The following GUCY1A2 variants were observed in gnomAD, a reference collection of about 807,000 sequenced individuals.
The protein encoded by GUCY1A2 is guanylate cyclase soluble subunit alpha-2.
In GUCY1A2, 27 loss-of-function variants were observed where a neutral mutation model predicts 63.5. The ratio of observed to expected loss-of-function variants is 0.43; its 90% CI spans 0.31 to 0.59. The LOEUF (loss-of-function observed/expected upper bound fraction) is 0.59, where lower values mean the gene tolerates loss of function less well. GUCY1A2 is among the 20% of genes least tolerant of loss of function. GUCY1A2 has a pLI of 0.11. For synonymous variants in GUCY1A2, 364 were observed against 343.5 expected, an observed-to-expected ratio of 1.06 and a Z score of -0.66; for missense variants, 768 against 913.3, an observed-to-expected ratio of 0.84 and a Z score of 2.05.
At chr11:106,941,317 A>C (rs1860749948) in intron 3 of GUCY1A2, among the ~76,000 whole-genome samples, 2 of 152,188 alleles carry the variant, frequency 1.3e-5, no homozygotes, top group Admixed American at 1.3e-4. Context: ...TATCGTAATA[A>C]GAAGCAGGAT....
chr11:106,829,864 C>T (rs1859026993), intron 4 of GUCY1A2, among the ~76,000 whole-genome samples: 1 of 152,120 alleles, frequency 6.6e-6, no homozygotes, highest in Non-Finnish European at 1.5e-5. Flanking sequence ...GAACACAATC[C>T]AGGCAGGACT....
chr11:106,880,711 C>CT (rs1381869276), intron 4 of GUCY1A2, among the ~76,000 whole-genome samples: 24 of 152,060 alleles, frequency 1.6e-4, no homozygotes, highest in African/African-American at 5.8e-4. Context: ...ACATAGATTT[C>CT]TTTACTGTAG....
At position 106,986,085 on chromosome 11, in the gene GUCY1A2, T is replaced by C; in HGVS notation, c.350A>G (p.Glu117Gly). ...QTLKRTLQYY[E>G]HQVIGYRDAE... ...TTTTACTTACCCAATAACTTGATGT[T>C]CATAATACTGCAGTGTCCTCTTGAG... Residue 117 changes from glutamate to glycine, a missense_variant, in exon 2 of 8, where the codon GAA (glutamate) becomes GGA (glycine). Glu to Gly is a moderately conservative substitution (Grantham distance 98, BLOSUM62 -2). Coordinates refer to ENST00000526355, the MANE Select transcript of GUCY1A2 (RefSeq NM_000855.3). 1.4e-6 allele frequency: 2 copies of C among 1,479,640 alleles called. No individual in the cohort carries two copies. The highest frequency in any genetic ancestry group is 1.9e-6 in the Non-Finnish European group (2 of 1,057,426). 91.7% of individuals were successfully genotyped at this position (1,479,640 alleles called of 1,614,324 possible). A position where few individuals can be genotyped will look rare whatever the true frequency, so the allele number is the denominator to read the frequency against.
chr11:106,719,277 C>T (rs1863272092), intron 6 of GUCY1A2, among the ~76,000 whole-genome samples: 1 of 151,876 alleles, frequency 6.6e-6, no homozygotes, highest in Non-Finnish European at 1.5e-5. Flanking sequence ...CAGCTCTTAA[C>T]AGATAATCCG....
chr11:106,983,061 A>T (rs574983041), intron 2 of GUCY1A2, among the ~76,000 whole-genome samples: 1 of 152,306 alleles, frequency 6.6e-6, no homozygotes, highest in African/African-American at 2.4e-5. Flanking sequence ...GGTGATTCTG[A>T]TGCACATTAA....
intron 7 of GUCY1A2, among the ~76,000 whole-genome samples, chr11:106,705,068 T>C (rs1488141345): frequency 6.6e-6 from 1 of 151,442 alleles, no homozygotes; most frequent in Non-Finnish European, 1.5e-5. Context: ...AACTTAAAAC[T>C]CAATAAAAAT....
At chr11:106,694,348 T>C (rs975544721) in intron 7 of GUCY1A2, among the ~76,000 whole-genome samples, 2 of 152,188 alleles carry the variant, frequency 1.3e-5, no homozygotes, top group Non-Finnish European at 2.9e-5. Context: ...TGACCCAAAA[T>C]TTGTTCTCCC....
Position 106,674,020 on chromosome 11 carries a change from C to T in GUCY1A2, c.*13529G>A, listed in dbSNP as rs1462557048. On this transcript the variant is annotated 3_prime_UTR_variant, in exon 8 of 8. Coordinates refer to ENST00000526355, the MANE Select transcript of GUCY1A2 (RefSeq NM_000855.3). ...GAAATGCTAAAAGAATGTTCAGACT[C>T]CTTTTTGGTATTATTTATTGATTTA... 1 of 172,794 alleles carries T rather than the reference C, an allele frequency of 5.8e-6. No individual in the cohort carries two copies. Among genetic ancestry groups the T allele is most frequent in the Non-Finnish European group, 1.3e-5 (1 of 79,624 alleles). 10.7% of individuals were successfully genotyped at this position (172,794 alleles called of 1,614,324 possible). A position where few individuals can be genotyped will look rare whatever the true frequency, so the allele number is the denominator to read the frequency against.
At chr11:106,923,972 T>C (rs1275313879) in intron 4 of GUCY1A2, among the ~76,000 whole-genome samples, 1 of 152,116 alleles carries the variant, frequency 6.6e-6, no homozygotes, top group Non-Finnish European at 1.5e-5. Flanking sequence ...TAAACCAAAA[T>C]TATAAGAATA....
chr11:106,908,667 G>C (rs1286054098), intron 4 of GUCY1A2, among the ~76,000 whole-genome samples: 2 of 151,896 alleles, frequency 1.3e-5, no homozygotes, highest in Admixed American at 6.6e-5. Context: ...ATAAAAAAGT[G>C]AATAAAATCA....
intron 5 of GUCY1A2, among the ~76,000 whole-genome samples, chr11:106,806,760 T>C (rs1213690824): frequency 6.6e-6 from 1 of 152,226 alleles, no homozygotes; most frequent in Admixed American, 6.5e-5. Flanking sequence ...TGGAAAGGCT[T>C]TCATTTTCTC....
chr11:106,763,635 A>C (rs1365001783), intron 6 of GUCY1A2, among the ~76,000 whole-genome samples: 1 of 152,154 alleles, frequency 6.6e-6, no homozygotes, highest in Non-Finnish European at 1.5e-5. Flanking sequence ...TTTTTGACTG[A>C]ATGGATTTAA....
At chr11:106,697,917 A>G (rs768394419) in intron 7 of GUCY1A2, among the ~76,000 whole-genome samples, 32 of 151,954 alleles carry the variant, frequency 2.1e-4, no homozygotes, top group Admixed American at 1.8e-3. Context: ...TTAGGCTTGG[A>G]ACAACAATGA....
chr11:106,854,670 G>A (rs953984147), intron 4 of GUCY1A2, among the ~76,000 whole-genome samples: 1 of 152,206 alleles, frequency 6.6e-6, no homozygotes, highest in Non-Finnish European at 1.5e-5. Context: ...GCATGTGGTA[G>A]TGGTGGCAGC....
At chr11:106,965,078 G>GTT (rs143383714) in intron 3 of GUCY1A2, among the ~76,000 whole-genome samples, 8 of 147,762 alleles carry the variant, frequency 5.4e-5, no homozygotes, top group South Asian at 2.2e-4. Context: ...ACAGGGTGTT[G>GTT]TTTTTTTTTT....
chr11:106,850,215 T>C (rs1859333746), intron 4 of GUCY1A2, among the ~76,000 whole-genome samples: 2 of 151,758 alleles, frequency 1.3e-5, no homozygotes, highest in South Asian at 4.1e-4. Context: ...TTTCCCTTTT[T>C]CTAGTTGATA....
chr11:107,004,061 C>T (rs1861642064), intron 1 of GUCY1A2, among the ~76,000 whole-genome samples: 1 of 152,060 alleles, frequency 6.6e-6, no homozygotes, highest in Non-Finnish European at 1.5e-5. Flanking sequence ...GAGCAAGGCC[C>T]CTCTCCTCAG....
chr11:106,832,662 G>T (rs1253595811), intron 4 of GUCY1A2, among the ~76,000 whole-genome samples: 1 of 152,012 alleles, frequency 6.6e-6, no homozygotes, highest in Non-Finnish European at 1.5e-5. Flanking sequence ...CCTATATAAG[G>T]TCTAAGAATG....
At chr11:106,816,844 A>C (rs1047289525) in intron 4 of GUCY1A2, among the ~76,000 whole-genome samples, 2 of 151,974 alleles carry the variant, frequency 1.3e-5, no homozygotes, top group Non-Finnish European at 2.9e-5. Flanking sequence ...AAAATTTGAC[A>C]GTTTAAATGA....
Sources: gnomAD v4.1 joint callset for allele counts (sites outside exome capture counted in the v4.1 genomes callset) on GRCh38, gnomAD v4.1.1 for gene constraint, MANE v1.5 for transcripts, NCBI Gene and HGNC (gene_info 2026-07-23, HGNC 2026-07-21) for gene names.